OSBPL8: variants seen among roughly 807,000 people sequenced by gnomAD.
OSBPL8 encodes oxysterol binding protein like 8, also known as oxysterol-binding protein-related protein 8.
In OSBPL8, 59 loss-of-function variants were observed where a neutral mutation model predicts 125.5. That is an observed-to-expected ratio of 0.47 (90% confidence interval 0.38 to 0.58). The LOEUF is 0.58. Among genes scored for constraint, OSBPL8 ranks in the 20% least tolerant of loss-of-function variants. The pLI is 0.00. For missense variants in OSBPL8, 758 were observed against 1,047.8 expected (o/e 0.72, Z 3.82); for synonymous variants, 330 against 338.9 (o/e 0.97, Z 0.29).
chr12:76,445,035 TAATACACA>T (rs1279743988), intron 4 of OSBPL8, among the ~76,000 whole-genome samples: 3 of 152,162 alleles, frequency 2.0e-5, no homozygotes, highest in Non-Finnish European at 2.9e-5. Flanking sequence ...TGTTCTCTGG[TAATACACA>T]CCTATAAGAA....
In OSBPL8 at chr12:76,397,850, T is replaced by C; in HGVS notation, c.516A>G (p.Lys172=). The change falls in exon 8 of 24, where the codon AAA becomes AAG. Residue 172 remains lysine, a synonymous_variant. Transcript: ENST00000261183. ...TTTTATAGATCAGTAGCACCCCAGG[T>C]TTCAACACACACCATAACTTGGTCC... is the stretch of plus-strand genomic sequence containing the variant. ...KSWTKLWCVL[K]PGVLLIYKTQ... 1 of 1,614,018 alleles carries C rather than the reference T, an allele frequency of 6.2e-7. No individual in the cohort carries two copies. Among genetic ancestry groups the C allele is most frequent in the East Asian group, 2.2e-5 (1 of 44,860 alleles).
At position 76,373,412 on chromosome 12, in the gene OSBPL8, A is replaced by G. The variant is rs1952693930; in HGVS notation, c.1849T>C (p.Cys617Arg). The G allele has an allele frequency of 3.1e-6, 5 of 1,607,846 alleles. No individual in the cohort carries two copies. The highest frequency in any genetic ancestry group is 4.3e-6 in the Non-Finnish European group (5 of 1,175,744). ...AGTTTCCCTGATATTTGATTAACAC[A>G]GTCACTACTCCCTAGGAATGGCTTT... is the stretch of plus-strand genomic sequence containing the variant. Reference protein sequence around the residue: ...KLKPFLGSSDCVNQISGKLKL... With the variant: ...KLKPFLGSSDRVNQISGKLKL... Residue 617 changes from cysteine (C) to arginine (R), a missense_variant, in exon 18 of 24, where the codon TGT becomes CGT. By Grantham distance (180) the Cys-to-Arg change is radical (BLOSUM62 -3). Around this residue, in one of 3 missense-constraint regions of OSBPL8, gnomAD observed 572 missense variants for 762.0 expected, o/e 0.75. Coordinates refer to ENST00000261183, the MANE Select transcript of OSBPL8 (RefSeq NM_020841.5).
intron 1 of OSBPL8, among the ~76,000 whole-genome samples, chr12:76,546,069 A>G (rs570145969): frequency 2.0e-5 from 3 of 152,298 alleles, no homozygotes; most frequent in Admixed American, 6.5e-5. Context: ...TACAATACGC[A>G]GGTTCCGCAG....
Position 76,369,304 on chromosome 12 carries a change from A to T in OSBPL8, c.2241-3T>A. 6.4e-7 allele frequency: 1 copy of T among 1,556,754 alleles called. No homozygotes were observed. The highest frequency in any genetic ancestry group is 8.6e-7 in the Non-Finnish European group (1 of 1,160,656). ...TAAGTGGGTCCCATGGTCGGGTACT[A>T]CATAAATGAAAAAAAAAAAAACCAT... On this transcript the variant is annotated splice_region_variant and splice_polypyrimidine_tract_variant and intron_variant, in intron 20 of 23. Coordinates refer to ENST00000261183, the MANE Select transcript of OSBPL8 (RefSeq NM_020841.5).
At chr12:76,398,893 T>G (rs1211597993) in intron 7 of OSBPL8, among the ~76,000 whole-genome samples, 1 of 152,086 alleles carries the variant, frequency 6.6e-6, no homozygotes, top group African/African-American at 2.4e-5. Flanking sequence ...GAAATAACAT[T>G]TTGGATCATG....
Position 76,550,695 on chromosome 12 carries a change from G to C in OSBPL8, c.-68+8702C>G, listed in dbSNP as rs375021949. On this transcript the variant is annotated intron_variant, in intron 1 of 23. Transcript: ENST00000261183. ...GTGCGCAGCTCACCAGCCAGGGATT[G>C]GACAAGCTTAGTCTAGCCAATAAAA... 5.7e-4 allele frequency among the ~76,000 whole-genome samples: 87 copies of C among 152,312 alleles called. 2 individuals carry two copies. Among genetic ancestry groups the C allele is most frequent in the African/African-American group, 2.1e-3 (86 of 41,564 alleles).
intron 1 of OSBPL8, among the ~76,000 whole-genome samples, chr12:76,554,252 AT>A (rs1305926495): frequency 1.3e-5 from 2 of 152,208 alleles, no homozygotes; most frequent in Middle Eastern, 3.2e-3. Flanking sequence ...GAGAAAAAAA[AT>A]CAAGGCTATA....
chr12:76,549,312 C>T (rs577300388), intron 1 of OSBPL8, among the ~76,000 whole-genome samples: 20 of 152,248 alleles, frequency 1.3e-4, no homozygotes, highest in African/African-American at 4.8e-4. Context: ...ACCTATACAC[C>T]TCATTATGAC....
chr12:76,558,127 TA>T (rs59443186), intron 1 of OSBPL8, among the ~76,000 whole-genome samples: 2 of 151,212 alleles, frequency 1.3e-5, no homozygotes, highest in African/African-American at 4.9e-5. Context: ...CGGTTAATAT[TA>T]AAAAAAAATA....
At position 76,367,083 on chromosome 12, in the gene OSBPL8, A is replaced by C. The variant is rs770577496; in HGVS notation, c.2328+2131T>G. Among the ~76,000 whole-genome samples the C allele has an allele frequency of 3.2e-4, 48 of 152,126 alleles. 1 individual carries two copies. The highest frequency in any genetic ancestry group is 4.4e-4 in the Non-Finnish European group (30 of 68,024). ...TTGGTTTACAGTGTGGTTCAAGTTA[A>C]TCCCTTTCCTCCTTATTGATCTTCT... On this transcript the variant is annotated intron_variant, in intron 21 of 23. Transcript: ENST00000261183.
chr12:76,530,868 T>C (rs1476542050), intron 1 of OSBPL8, among the ~76,000 whole-genome samples: 2 of 151,764 alleles, frequency 1.3e-5, no homozygotes, highest in Admixed American at 6.6e-5. Flanking sequence ...AACAAAGGAG[T>C]ATTAGACTGA....
At position 76,390,491 on chromosome 12, in the gene OSBPL8, T is replaced by C. The variant is rs1953512148; in HGVS notation, c.1096A>G (p.Ile366Val). 6 of 1,613,982 alleles carry C rather than the reference T, an allele frequency of 3.7e-6. No individual in the cohort carries two copies. The highest frequency in any genetic ancestry group is 5.1e-6 in the Non-Finnish European group (6 of 1,179,916). Residue 366 changes from isoleucine (I) to valine (V), a missense_variant, in exon 11 of 24, where the codon ATC becomes GTC. Ile to Val is a conservative substitution (Grantham distance 29). This residue lies in a region of OSBPL8 where 572 missense variants were observed against 762.0 expected (regional missense o/e 0.75). Transcript: ENST00000261183. Reference sequence around the variant, plus strand: ...AAAGGCTCAACAGGCTCAGGTTCGATATATGAGTCATCTTGTCTTTCTGAT... The same window carrying C: ...AAAGGCTCAACAGGCTCAGGTTCGACATATGAGTCATCTTGTCTTTCTGAT... ...DTSERQDDSY[I>V]EPEPVEPLKE...
chr12:76,356,839 A>G, intron 22 of OSBPL8, 111 bp from the exon 23 acceptor site: 1 of 648,358 alleles, frequency 1.5e-6, no homozygotes, highest in Non-Finnish European at 2.6e-6. Flanking sequence ...TAGCCTAGAG[A>G]TTAGCATAGT....
At chr12:76,484,672 A>G (rs949972790) in intron 2 of OSBPL8, among the ~76,000 whole-genome samples, 3 of 152,198 alleles carry the variant, frequency 2.0e-5, no homozygotes, top group African/African-American at 7.2e-5. Flanking sequence ...ACATGTAGCT[A>G]AATGTCTTAC....
chr12:76,456,961 G>A (rs1874124183), intron 3 of OSBPL8, among the ~76,000 whole-genome samples: 1 of 152,128 alleles, frequency 6.6e-6, no homozygotes, highest in African/African-American at 2.4e-5. Context: ...TAATGTCATG[G>A]CCTTTGTCTG....
At chr12:76,369,441 A>C in intron 20 of OSBPL8, 140 bp from the exon 21 acceptor site, 1 of 1,397,542 alleles carries the variant, frequency 7.2e-7, no homozygotes, top group Non-Finnish European at 9.4e-7. Flanking sequence ...TAATCTTCAG[A>C]TCCTCAACTT....
intron 1 of OSBPL8, among the ~76,000 whole-genome samples, chr12:76,520,310 A>G (rs918308690): frequency 6.6e-6 from 1 of 152,192 alleles, no homozygotes; most frequent in Non-Finnish European, 1.5e-5. Context: ...CTTGGCATGC[A>G]AAGTACTTCC....
At chr12:76,356,161 G>GT (rs1951976536) in intron 23 of OSBPL8, 140 bp from the exon 24 acceptor site, 1 of 530,356 alleles carries the variant, frequency 1.9e-6, no homozygotes, top group Non-Finnish European at 3.3e-6. Flanking sequence ...GTATGTAGGG[G>GT]TGGGGGGGGG....
At chr12:76,484,555 T>C (rs1877920036) in intron 2 of OSBPL8, among the ~76,000 whole-genome samples, 1 of 152,222 alleles carries the variant, frequency 6.6e-6, no homozygotes, top group East Asian at 1.9e-4. Context: ...ATATTGAAAA[T>C]AACTTTGGGA....
Sources: allele counts gnomAD v4.1 joint callset (sites outside exome capture counted in the v4.1 genomes callset), GRCh38; gene constraint gnomAD v4.1.1; regional missense constraint gnomAD v4.1.1; transcripts MANE v1.5; gene names NCBI Gene and HGNC (gene_info 2026-07-23, HGNC 2026-07-21).